TSHZ2: variants seen among roughly 807,000 people sequenced by gnomAD.
The protein encoded by TSHZ2 is teashirt homolog 2.
Under a neutral mutation model 74.4 loss-of-function variants are expected in TSHZ2, and 21 were observed. The observed-to-expected ratio is 0.28, with a 90% confidence interval of 0.20 to 0.41. The LOEUF (loss-of-function observed/expected upper bound fraction) is 0.41, where lower values mean the gene tolerates loss of function less well. Among genes scored for constraint, TSHZ2 ranks in the 10% least tolerant of loss-of-function variants. The probability of loss-of-function intolerance (pLI) is 1.00; values close to 1 mark genes in which losing one functional copy is unlikely to be tolerated. For synonymous variants in TSHZ2, 540 were observed against 515.3 expected, an observed-to-expected ratio of 1.05 and a Z score of -0.65; for missense variants, 1,244 against 1,293.5, an observed-to-expected ratio of 0.96 and a Z score of 0.59.
chr20:53,199,108 A>G (rs1988939231), intron 1 of TSHZ2, among the ~76,000 whole-genome samples: 1 of 152,224 alleles, frequency 6.6e-6, no homozygotes, highest in African/African-American at 2.4e-5. Flanking sequence ...AAAGCGTTCT[A>G]TACAAAGCCA....
intron 1 of TSHZ2, among the ~76,000 whole-genome samples, chr20:52,990,847 T>C (rs775835023): frequency 6.6e-6 from 1 of 152,120 alleles, no homozygotes; most frequent in Non-Finnish European, 1.5e-5. Context: ...AAGACCAACA[T>C]CATCCTTATA....
intron 2 of TSHZ2, among the ~76,000 whole-genome samples, chr20:53,460,191 C>T (rs951736750): frequency 5.9e-5 from 9 of 151,900 alleles, no homozygotes; most frequent in Non-Finnish European, 8.8e-5. Context: ...CTTTCAGGTA[C>T]ACCAATCAGA....
Position 53,489,126 on chromosome 20 carries a change from A to G in TSHZ2, c.*1991A>G, listed in dbSNP as rs1389212510. On this transcript the variant is annotated 3_prime_UTR_variant, in exon 3 of 3. Transcript: ENST00000371497. ...CAATCACCCACAAGGAAAAATAGCA[A>G]CAGTACAACGGGGTGGCTTTTATGG... The G allele has an allele frequency of 6.6e-6, 3 of 456,264 alleles. No homozygotes were observed. Among genetic ancestry groups the G allele is most frequent in the Non-Finnish European group, 1.3e-5 (3 of 226,968 alleles). The allele number at this position is 456,264 out of a possible 1,614,324, so 28.3% of individuals were successfully genotyped here.
chr20:53,185,749 G>A, intron 1 of TSHZ2: 2 of 1,528,118 alleles, frequency 1.3e-6, no homozygotes, highest in South Asian at 1.2e-5. Context: ...TGGATGTTCA[G>A]TTGCCCTTCA....
At chr20:53,334,243 AC>A (rs1979847342) in intron 2 of TSHZ2, among the ~76,000 whole-genome samples, 1 of 152,200 alleles carries the variant, frequency 6.6e-6, no homozygotes, top group Non-Finnish European at 1.5e-5. Flanking sequence ...AGAGAAAAAA[AC>A]AACAGCTCGT....
intron 2 of TSHZ2, among the ~76,000 whole-genome samples, chr20:53,292,619 T>A (rs146545580): frequency 4.7e-4 from 71 of 152,172 alleles, no homozygotes; most frequent in East Asian, 9.6e-4. Flanking sequence ...AGATTTTTTT[T>A]AATATTTTTT....
At chr20:53,030,997 G>A (rs1983614517) in intron 1 of TSHZ2, among the ~76,000 whole-genome samples, 1 of 152,162 alleles carries the variant, frequency 6.6e-6, no homozygotes, top group African/African-American at 2.4e-5. Context: ...ATTGCTGAAT[G>A]TGGGCTTTAT....
At chr20:53,453,942 G>C (rs778111593) in intron 2 of TSHZ2, among the ~76,000 whole-genome samples, 8 of 152,056 alleles carry the variant, frequency 5.3e-5, no homozygotes, top group Non-Finnish European at 1.2e-4. Flanking sequence ...CTCCTACTTG[G>C]GTCAAGAGCC....
chr20:53,440,573 G>A (rs933864626), intron 2 of TSHZ2, among the ~76,000 whole-genome samples: 2 of 152,112 alleles, frequency 1.3e-5, no homozygotes, highest in Admixed American at 6.6e-5. Flanking sequence ...CACAGCAGTG[G>A]GGAAGACAGG....
chr20:53,159,498 C>G (rs942199472), intron 1 of TSHZ2, among the ~76,000 whole-genome samples: 3 of 151,802 alleles, frequency 2.0e-5, no homozygotes, highest in African/African-American at 7.3e-5. Flanking sequence ...TTTGCCAACC[C>G]ATGTTCTAGA....
At chr20:53,243,368 T>C (rs546517956) in intron 1 of TSHZ2, among the ~76,000 whole-genome samples, 4 of 152,290 alleles carry the variant, frequency 2.6e-5, no homozygotes, top group Non-Finnish European at 4.4e-5. Flanking sequence ...TGTTCAAGTA[T>C]ATGCTGAGCA....
At chr20:53,323,146 A>C (rs1011305741) in intron 2 of TSHZ2, among the ~76,000 whole-genome samples, 1 of 152,198 alleles carries the variant, frequency 6.6e-6, no homozygotes, top group Non-Finnish European at 1.5e-5. Flanking sequence ...GATTCTTTCC[A>C]GCTCTAAAAT....
chr20:53,250,449 A>G (rs749903535), intron 1 of TSHZ2, among the ~76,000 whole-genome samples: 30 of 152,136 alleles, frequency 2.0e-4, no homozygotes, highest in Non-Finnish European at 3.8e-4. Flanking sequence ...CACTTAAGTC[A>G]AGTGAACAGT....
intron 2 of TSHZ2, among the ~76,000 whole-genome samples, chr20:53,363,740 G>A (rs923948234): frequency 6.6e-6 from 1 of 152,332 alleles, no homozygotes; most frequent in South Asian, 2.1e-4. Flanking sequence ...TTGAGCCTGC[G>A]AAGTCAAGGT....
At chr20:52,979,646 G>A (rs1981484951) in intron 1 of TSHZ2, among the ~76,000 whole-genome samples, 3 of 152,092 alleles carry the variant, frequency 2.0e-5, no homozygotes, top group Admixed American at 2.0e-4. Context: ...CATTAAAATG[G>A]CCATTTGGAA....
chr20:53,438,990 C>T (rs1984207645), intron 2 of TSHZ2, among the ~76,000 whole-genome samples: 1 of 152,094 alleles, frequency 6.6e-6, no homozygotes, highest in South Asian at 2.1e-4. Context: ...GGGCTGTCGC[C>T]TGAAGGAAAC....
intron 1 of TSHZ2, among the ~76,000 whole-genome samples, chr20:53,162,608 A>G (rs1186967169): frequency 1.3e-5 from 2 of 152,208 alleles, no homozygotes; most frequent in African/African-American, 4.8e-5. Context: ...ACGTGACTGC[A>G]GGGCCATCAA....
intron 2 of TSHZ2, among the ~76,000 whole-genome samples, chr20:53,397,086 C>T (rs1251839162): frequency 6.6e-6 from 1 of 152,166 alleles, no homozygotes; most frequent in African/African-American, 2.4e-5. Flanking sequence ...ATGTCTAAAA[C>T]ACCAAAAGCA....
rs926762294 is a variant in TSHZ2 at position 53,246,020 on chromosome 20, T to TTTTCTTTC, written c.41-7463_41-7456dup. 4.0e-5 allele frequency among the ~76,000 whole-genome samples: 6 copies of TTTTCTTTC among 148,732 alleles called. 1 individual carries two copies. The highest frequency in any genetic ancestry group is 8.9e-5 in the Non-Finnish European group (6 of 67,544). On this transcript the variant is annotated intron_variant, in intron 1 of 2. Transcript: ENST00000371497. ...GAAAGTCCTTCAGTAGCAGCTGTGC[T>TTTTCTTTC]TTTCTTTCTTTCTTTCTTTCTTTTT... is the stretch of plus-strand genomic sequence containing the variant.
Sources: gnomAD v4.1 joint callset for allele counts (sites outside exome capture counted in the v4.1 genomes callset) on GRCh38, gnomAD v4.1.1 for gene constraint, MANE v1.5 for transcripts, NCBI Gene and HGNC (gene_info 2026-07-23, HGNC 2026-07-21) for gene names.